The following CD96 variants were observed in gnomAD, a reference collection of about 807,000 sequenced individuals.
CD96 encodes the protein CD96 molecule.
In CD96, 70 loss-of-function variants were observed where a neutral mutation model predicts 71.3. The observed-to-expected ratio is 0.98, with a 90% CI of 0.81 to 1.20. The LOEUF (loss-of-function observed/expected upper bound fraction) is 1.20, where lower values mean the gene tolerates loss of function less well. Ranked by LOEUF, CD96 falls within the 50% of genes most tolerant of loss-of-function variation. CD96 has a pLI of 0.00. For missense variants in CD96, 742 were observed against 677.5 expected (o/e 1.10, Z -1.06); for synonymous variants, 248 against 233.0 (o/e 1.06, Z -0.59).
chr3:111,659,845 C>T (rs985040307), intron 14 of CD96, among the ~76,000 whole-genome samples: 3 of 151,984 alleles, frequency 2.0e-5, no homozygotes, highest in African/African-American at 7.3e-5. Context: ...GAAAAAATTC[C>T]TCAACAGATT....
intron 10 of CD96, among the ~76,000 whole-genome samples, chr3:111,628,034 G>C (rs1194342494): frequency 5.3e-5 from 8 of 151,918 alleles, no homozygotes; most frequent in Admixed American, 5.2e-4. Flanking sequence ...AGCCCACAAA[G>C]ATGAGAAAGA....
chr3:111,556,369 A>G (rs1288746563), intron 2 of CD96, among the ~76,000 whole-genome samples: 1 of 96,882 alleles, frequency 1.0e-5, no homozygotes, highest in Middle Eastern at 7.2e-3. Context: ...CCCACCCCAC[A>G]ACAGTCCCCA....
intron 5 of CD96, chr3:111,594,354 G>C (rs756572931): frequency 4.4e-6 from 4 of 913,898 alleles, no homozygotes; most frequent in Non-Finnish European, 6.5e-6. Flanking sequence ...TGGGTGGTGT[G>C]AGGTTTCTTC....
chr3:111,565,846 C>A (rs906843741), intron 2 of CD96, among the ~76,000 whole-genome samples: 76 of 150,922 alleles, frequency 5.0e-4, no homozygotes, highest in Admixed American at 6.6e-4. Flanking sequence ...GGAAGATGTA[C>A]CCTAATGGGA....
intron 14 of CD96, among the ~76,000 whole-genome samples, chr3:111,660,900 A>G (rs1185968510): frequency 6.6e-6 from 1 of 152,236 alleles, no homozygotes; most frequent in Non-Finnish European, 1.5e-5. Flanking sequence ...ATGTACCTTA[A>G]ACTATAAAAT....
intron 2 of CD96, among the ~76,000 whole-genome samples, chr3:111,549,106 T>C (rs1192243630): frequency 6.6e-6 from 1 of 152,122 alleles, no homozygotes; most frequent in African/African-American, 2.4e-5. Flanking sequence ...TTCTTTACTT[T>C]GTCCTTTCCT....
At chr3:111,628,467 AC>A (rs771997166) in intron 10 of CD96, among the ~76,000 whole-genome samples, 6 of 152,222 alleles carry the variant, frequency 3.9e-5, no homozygotes, top group Non-Finnish European at 8.8e-5. Context: ...AGACAGGCCA[AC>A]AAAAACAGAA....
At chr3:111,553,708 T>C (rs1934845179) in intron 2 of CD96, among the ~76,000 whole-genome samples, 1 of 151,994 alleles carries the variant, frequency 6.6e-6, no homozygotes, top group Non-Finnish European at 1.5e-5. Context: ...TTCCCTTTAA[T>C]CACCAGTTTT....
chr3:111,590,328 G>A (rs1172870115), intron 5 of CD96, among the ~76,000 whole-genome samples: 2 of 152,206 alleles, frequency 1.3e-5, no homozygotes, highest in Admixed American at 6.5e-5. Flanking sequence ...GGTTTTTGGT[G>A]TTGGCAATTT....
chr3:111,584,684 T>C (rs1365342388), intron 4 of CD96, among the ~76,000 whole-genome samples: 1 of 152,172 alleles, frequency 6.6e-6, no homozygotes, highest in Non-Finnish European at 1.5e-5. Context: ...ATGAAACTTA[T>C]TCACTATCAT....
At chr3:111,599,537 T>C (rs1937402581) in intron 6 of CD96, among the ~76,000 whole-genome samples, 3 of 151,978 alleles carry the variant, frequency 2.0e-5, no homozygotes, top group Admixed American at 2.0e-4. Flanking sequence ...CTAACTAACA[T>C]GGTAAAACCC....
At chr3:111,616,803 T>C (rs1023817175) in intron 8 of CD96, among the ~76,000 whole-genome samples, 3 of 152,090 alleles carry the variant, frequency 2.0e-5, no homozygotes, top group Non-Finnish European at 4.4e-5. Flanking sequence ...GGAGGGAGCC[T>C]GCCCCCTACT....
Position 111,544,204 on chromosome 3 carries a change from G to A in CD96, c.62-842G>A, listed in dbSNP as rs193179743. On this transcript the variant is annotated intron_variant, in intron 1 of 13. Transcript: ENST00000352690. ...TCTGTTGCCAGGCTGGAGTGCAGTG[G>A]CATGATTTCGGCTCACTGTAATCTC... is the stretch of plus-strand genomic sequence containing the variant. 4.0e-3 allele frequency among the ~76,000 whole-genome samples: 607 copies of A among 152,246 alleles called. 3 individuals carry two copies. The highest frequency in any genetic ancestry group is 0.01 in the Middle Eastern group (3 of 294).
intron 5 of CD96, among the ~76,000 whole-genome samples, chr3:111,585,669 T>A (rs1936680150): frequency 6.6e-6 from 1 of 152,190 alleles, no homozygotes; most frequent in South Asian, 2.1e-4. Flanking sequence ...TTCAGGTGGA[T>A]AGTGAGGACA....
At chr3:111,567,234 A>G (rs151097938) in intron 2 of CD96, among the ~76,000 whole-genome samples, 13 of 152,348 alleles carry the variant, frequency 8.5e-5, no homozygotes, top group African/African-American at 3.1e-4. Flanking sequence ...CCTGAAGATT[A>G]AAGCACCAAT....
chr3:111,586,516 A>T (rs1376018032), intron 5 of CD96, among the ~76,000 whole-genome samples: 5 of 152,174 alleles, frequency 3.3e-5, no homozygotes, highest in Non-Finnish European at 7.3e-5. Context: ...GTCCATTTTC[A>T]TGCTGCCAGT....
chr3:111,607,099 G>T, intron 8 of CD96: 1 of 373,458 alleles, frequency 2.7e-6, no homozygotes, highest in Non-Finnish European at 5.0e-6. Flanking sequence ...TCATTCTCAT[G>T]GCTTCAAAGA....
intron 14 of CD96, among the ~76,000 whole-genome samples, chr3:111,657,776 G>A (rs1310562226): frequency 6.6e-6 from 1 of 151,706 alleles, no homozygotes; most frequent in Non-Finnish European, 1.5e-5. Flanking sequence ...TCCACAATAT[G>A]TGTGTGTATA....
intron 3 of CD96, among the ~76,000 whole-genome samples, chr3:111,569,235 T>A (rs1935860409): frequency 6.6e-6 from 1 of 152,160 alleles, no homozygotes; most frequent in South Asian, 2.1e-4. Flanking sequence ...CTACTGATAA[T>A]TTTTCACTGT....
Sources: gnomAD v4.1 joint callset for allele counts (sites outside exome capture counted in the v4.1 genomes callset) on GRCh38, gnomAD v4.1.1 for gene constraint, MANE v1.5 for transcripts, NCBI Gene and HGNC (gene_info 2026-07-23, HGNC 2026-07-21) for gene names.